ATP6V1C2: variants seen among roughly 807,000 people sequenced by gnomAD.
ATP6V1C2 encodes ATPase H+ transporting V1 subunit C2.
A neutral mutation model predicts 56.8 loss-of-function variants in ATP6V1C2; 45 were observed. The observed-to-expected ratio is 0.79, with a 90% CI of 0.62 to 1.02. The LOEUF (loss-of-function observed/expected upper bound fraction) is 1.02. Ranked by LOEUF, ATP6V1C2 falls within the 50% of genes least tolerant of loss-of-function variation. The pLI is 0.00. For synonymous variants in ATP6V1C2, 220 were observed against 201.3 expected, an observed-to-expected ratio of 1.09 and a Z score of -0.79; for missense variants, 463 against 519.7, an observed-to-expected ratio of 0.89 and a Z score of 1.06.
Position 10,763,598 on chromosome 2 carries a change from A to C in ATP6V1C2, c.284-733A>C, listed in dbSNP as rs764029144. On this transcript the variant is annotated intron_variant, in intron 4 of 13. Coordinates refer to ENST00000272238, the MANE Select transcript of ATP6V1C2 (RefSeq NM_001039362.2). The surrounding 1 kb of genome is among the most constrained non-coding windows in gnomAD (Gnocchi z 4.2). ...ATGGGAAGGGCCCTCTGCCAGGGGCACAGGAATTCCAGGGGCCACCGTGGC... is the reference window on the plus strand; with the variant it reads ...ATGGGAAGGGCCCTCTGCCAGGGGCCCAGGAATTCCAGGGGCCACCGTGGC... 1.3e-5 allele frequency among the ~76,000 whole-genome samples: 2 copies of C among 152,166 alleles called. No homozygotes were observed. The highest frequency in any genetic ancestry group is 2.4e-5 in the African/African-American group (1 of 41,450).
chr2:10,773,602 C>G (rs149586598), intron 8 of ATP6V1C2, among the ~76,000 whole-genome samples: 1 of 152,154 alleles, frequency 6.6e-6, no homozygotes, highest in Non-Finnish European at 1.5e-5. Context: ...AGGCTGGTCT[C>G]GAACTCCTGA....
chr2:10,726,681 C>A, intron 3 of ATP6V1C2, 112 bp downstream of exon 3: 1 of 971,038 alleles, frequency 1.0e-6, no homozygotes, highest in Non-Finnish European at 1.6e-6. Flanking sequence ...GACCTGGTTC[C>A]AAAAGTGAGC....
chr2:10,739,839 C>T (rs569542609), intron 3 of ATP6V1C2, among the ~76,000 whole-genome samples: 1 of 152,124 alleles, frequency 6.6e-6, no homozygotes, highest in South Asian at 2.1e-4. Flanking sequence ...GTGGCTCATG[C>T]CTGTAATCCC....
intron 3 of ATP6V1C2, among the ~76,000 whole-genome samples, chr2:10,728,639 G>A (rs1661779346): frequency 6.6e-6 from 1 of 152,002 alleles, no homozygotes; most frequent in African/African-American, 2.4e-5. Context: ...AGCTGGGTAT[G>A]GTGGTATGTG....
chr2:10,753,625 G>A (rs542217190), intron 3 of ATP6V1C2, among the ~76,000 whole-genome samples: 7 of 151,064 alleles, frequency 4.6e-5, no homozygotes, highest in Admixed American at 4.0e-4. Flanking sequence ...TCCACCTCCC[G>A]GGTTCAAGCG....
chr2:10,762,099 T>C (rs1467979356), intron 4 of ATP6V1C2, among the ~76,000 whole-genome samples: 1 of 152,190 alleles, frequency 6.6e-6, no homozygotes, highest in Non-Finnish European at 1.5e-5. Context: ...TTTCCTCATC[T>C]GTAAGATGGA....
At chr2:10,747,838 A>C (rs1482756838) in intron 3 of ATP6V1C2, among the ~76,000 whole-genome samples, 1 of 151,980 alleles carries the variant, frequency 6.6e-6, no homozygotes, top group Non-Finnish European at 1.5e-5. Context: ...ACACTTATAC[A>C]GACTTTTTGA....
At chr2:10,771,535 G>A (rs901645684) in intron 6 of ATP6V1C2, among the ~76,000 whole-genome samples, 4 of 152,202 alleles carry the variant, frequency 2.6e-5, no homozygotes, top group African/African-American at 7.2e-5. Flanking sequence ...CCAGGGCAGC[G>A]CAGGTCACTG....
At chr2:10,759,825 A>G (rs1040170379) in intron 4 of ATP6V1C2, among the ~76,000 whole-genome samples, 2 of 152,102 alleles carry the variant, frequency 1.3e-5, no homozygotes, top group East Asian at 3.9e-4. Context: ...TTATCTCACA[A>G]TATCACTTTG....
intron 3 of ATP6V1C2, among the ~76,000 whole-genome samples, chr2:10,747,129 A>G (rs1662960181): frequency 6.6e-6 from 1 of 152,108 alleles, no homozygotes; most frequent in African/African-American, 2.4e-5. Context: ...TTAGCCAGTC[A>G]TGGTGGTGCA....
intron 10 of ATP6V1C2, among the ~76,000 whole-genome samples, chr2:10,776,006 C>T (rs1213792135): frequency 6.6e-6 from 1 of 152,092 alleles, no homozygotes; most frequent in Non-Finnish European, 1.5e-5. Context: ...GGGAGTGCTC[C>T]CAGTGTCCGT....
Position 10,765,439 on chromosome 2 carries a change from G to A in ATP6V1C2, c.378+1014G>A, listed in dbSNP as rs976165358. Among the ~76,000 whole-genome samples, 7 of 152,224 alleles carry A rather than the reference G, an allele frequency of 4.6e-5. No individual in the cohort carries two copies. The South Asian group carries it at 6.2e-4, about 14-fold the overall frequency. On this transcript the variant is annotated intron_variant, in intron 5 of 13. Transcript: ENST00000272238. ...GCCCCCATGGCTGTGGGAGAGTCTCGGCCTGGGCCAGGAACAAAGGCACCC... is the reference window on the plus strand; with the variant it reads ...GCCCCCATGGCTGTGGGAGAGTCTCAGCCTGGGCCAGGAACAAAGGCACCC...
chr2:10,750,563 C>T (rs1358802050), intron 3 of ATP6V1C2, among the ~76,000 whole-genome samples: 1 of 151,692 alleles, frequency 6.6e-6, no homozygotes, highest in African/African-American at 2.4e-5. Flanking sequence ...TTCACAGAGG[C>T]TAGGACAAGG....
At chr2:10,766,514 T>C (rs1664230349) in intron 5 of ATP6V1C2, among the ~76,000 whole-genome samples, 1 of 152,196 alleles carries the variant, frequency 6.6e-6, no homozygotes, top group South Asian at 2.1e-4. Flanking sequence ...GGCTCCCAAA[T>C]ACCTCTCAGC....
chr2:10,735,221 G>A (rs1265415867), intron 3 of ATP6V1C2, among the ~76,000 whole-genome samples: 1 of 152,164 alleles, frequency 6.6e-6, no homozygotes, highest in Non-Finnish European at 1.5e-5. Flanking sequence ...CCAGGCTGGA[G>A]TGCAGTAGCA....
intron 12 of ATP6V1C2, among the ~76,000 whole-genome samples, 156 bp downstream of exon 12, chr2:10,778,825 T>C (rs1646686872): frequency 2.0e-5 from 3 of 152,212 alleles, no homozygotes; most frequent in Non-Finnish European, 2.9e-5. Flanking sequence ...CCGAGTCAAG[T>C]ACACCCTCCC....
Position 10,784,143 on chromosome 2 carries a change from C to T in ATP6V1C2, c.*880C>T. The T allele has an allele frequency of 1.6e-6, 1 of 634,038 alleles. No individual in the cohort carries two copies. Among genetic ancestry groups the T allele is most frequent in the Non-Finnish European group, 2.6e-6 (1 of 378,122 alleles). The allele number at this position is 634,038 out of a possible 1,614,324, so 39.3% of individuals were successfully genotyped here. A position where few individuals can be genotyped will look rare whatever the true frequency, so the allele number is the denominator to read the frequency against. ...TCAAATGACCAATCAAGTACTACTT[C>T]TTGGTTAAAAGGCCACTGGTAGAGT... is the stretch of plus-strand genomic sequence containing the variant. On this transcript the variant is annotated 3_prime_UTR_variant, in exon 14 of 14. Coordinates refer to ENST00000272238, the MANE Select transcript of ATP6V1C2 (RefSeq NM_001039362.2).
chr2:10,779,763 GTAATTT>G lies in ATP6V1C2; in HGVS notation c.1061+1104_1061+1109del, dbSNP rs549676102. On this transcript the variant is annotated intron_variant, in intron 12 of 13. Transcript: ENST00000272238. Reference sequence around the variant, plus strand: ...TAAGCAGAGTGAGTAAAAATCTCCTGTAATTTTAATTTTAACACCAGGAGAGAACAC... The same window carrying G: ...TAAGCAGAGTGAGTAAAAATCTCCTGTAATTTTAACACCAGGAGAGAACAC... 1.4e-3 allele frequency among the ~76,000 whole-genome samples: 209 copies of G among 151,636 alleles called. 2 individuals carry two copies. The highest frequency in any genetic ancestry group is 6.6e-3 in the Admixed American group (100 of 15,226).
chr2:10,775,307 C>T (rs1303846563), intron 10 of ATP6V1C2, among the ~76,000 whole-genome samples: 1 of 152,216 alleles, frequency 6.6e-6, no homozygotes, highest in Non-Finnish European at 1.5e-5. Context: ...CCCACCCAAG[C>T]TGGCGCTTTC....
Sources: gnomAD v4.1 joint callset for allele counts (sites outside exome capture counted in the v4.1 genomes callset) on GRCh38, gnomAD v4.1.1 for gene constraint, Gnocchi (gnomAD v3.1) non-coding constraint, MANE v1.5 for transcripts, NCBI Gene and HGNC (gene_info 2026-07-23, HGNC 2026-07-21) for gene names.